The following GBE1 variants were observed in gnomAD, a reference collection of about 807,000 sequenced individuals.
GBE1 encodes the protein 1,4-alpha-glucan branching enzyme 1.
In GBE1, 70 loss-of-function variants were observed where a neutral mutation model predicts 88.8. That is an observed-to-expected ratio of 0.79 (90% CI 0.65 to 0.96). The LOEUF (loss-of-function observed/expected upper bound fraction) is 0.96, where lower values mean the gene tolerates loss of function less well. Ranked by LOEUF, GBE1 falls within the 40% of genes least tolerant of loss-of-function variation. The pLI, the probability that GBE1 is intolerant of heterozygous loss-of-function variation, is 0.00. For synonymous variants in GBE1, 284 were observed against 300.1 expected (o/e 0.95, Z 0.56); for missense variants, 872 against 871.0 (o/e 1.00, Z -0.01).
chr3:81,544,637 A>G (rs1703182153), intron 12 of GBE1, among the ~76,000 whole-genome samples: 1 of 152,174 alleles, frequency 6.6e-6, no homozygotes, highest in Non-Finnish European at 1.5e-5. Context: ...GATTCTAAAA[A>G]AGTCTACCAA....
At chr3:81,505,962 T>C (rs1053185105) in intron 14 of GBE1, among the ~76,000 whole-genome samples, 1 of 151,902 alleles carries the variant, frequency 6.6e-6, no homozygotes. Flanking sequence ...AAGCCAAAAC[T>C]ATAAAAACCC....
rs965176553 is a variant in GBE1 at position 81,593,928 on chromosome 3, A to G, written c.1088T>C (p.Leu363Pro). 1 of 1,566,902 alleles carries G rather than the reference A, an allele frequency of 6.4e-7. No individual in the cohort carries two copies. The highest frequency in any genetic ancestry group is 1.4e-5 in the African/African-American group (1 of 73,996). ...CCTACCCACTCCATGGTGATGATAA[A>G]GCATGGACGTAACACCATCAAAACG... ...GFRFDGVTSM[L>P]YHHHGVGQGF... The change falls in exon 8 of 16, where the codon CTT (leucine) becomes CCT (proline). Residue 363 changes from leucine (L) to proline (P), a missense_variant. By Grantham distance (98) the Leu-to-Pro change is moderately conservative (BLOSUM62 -3). Coordinates refer to ENST00000429644, the MANE Select transcript of GBE1 (RefSeq NM_000158.4).
intron 7 of GBE1, among the ~76,000 whole-genome samples, chr3:81,623,069 A>G (rs905589064): frequency 6.6e-6 from 1 of 152,174 alleles, no homozygotes; most frequent in Non-Finnish European, 1.5e-5. Flanking sequence ...CAAACCTTTT[A>G]AAAGCTGTTA....
In GBE1 at chr3:81,646,450, C is replaced by G; in HGVS notation, c.724G>C (p.Glu242Gln). The G allele has an allele frequency of 6.2e-7, 1 of 1,603,242 alleles. No individual in the cohort carries two copies. The highest frequency in any genetic ancestry group is 8.5e-7 in the Non-Finnish European group (1 of 1,174,598). ...CCAAAGCTGGCATAGTAAGCATGCT[C>G]CATGATTGCCATCAACTGAATGCAG... The part of the protein sequence containing the change: ...YNCIQLMAIM[E>Q]HAYYASFGYQ... Residue 242 changes from glutamate to glutamine, a missense_variant, in exon 6 of 16, where the codon GAG becomes CAG. By Grantham distance (29) the Glu-to-Gln change is conservative. Coordinates refer to ENST00000429644, the MANE Select transcript of GBE1 (RefSeq NM_000158.4).
chr3:81,577,680 C>A (rs1043238196), intron 12 of GBE1, among the ~76,000 whole-genome samples: 1 of 151,990 alleles, frequency 6.6e-6, no homozygotes, highest in Middle Eastern at 3.2e-3. Flanking sequence ...AACAGGTAAG[C>A]CCGCTTGACA....
intron 1 of GBE1, among the ~76,000 whole-genome samples, chr3:81,723,644 C>G (rs1706068561): frequency 6.6e-6 from 1 of 152,024 alleles, no homozygotes; most frequent in African/African-American, 2.4e-5. Flanking sequence ...TTCTTACTTC[C>G]AGCAACATTC....
intron 1 of GBE1, among the ~76,000 whole-genome samples, chr3:81,751,259 A>C (rs1289140170): frequency 6.6e-6 from 1 of 152,168 alleles, no homozygotes; most frequent in Non-Finnish European, 1.5e-5. Context: ...TTGTGCATAG[A>C]TGTGATTTTA....
intron 3 of GBE1, among the ~76,000 whole-genome samples, chr3:81,664,341 A>C (rs1356402528): frequency 6.6e-6 from 1 of 152,004 alleles, no homozygotes; most frequent in African/African-American, 2.4e-5. Context: ...TCACATGAGC[A>C]AAGCTGGAGG....
At chr3:81,650,265 GAGAAAATCATCCTACTCCATTAA>G (rs1704826687) in intron 3 of GBE1, 1 of 183,270 alleles carries the variant, frequency 5.5e-6, no homozygotes, top group Admixed American at 6.4e-5. Context: ...CAATCAATGG[GAGAAAATCATCCTACTCCATTAA>G]AAAAAGCAAT....
At chr3:81,593,760 GTACT>G in intron 8 of GBE1, 144 bp downstream of exon 8, 1 of 561,724 alleles carries the variant, frequency 1.8e-6, no homozygotes, top group Non-Finnish European at 3.2e-6. Context: ...CTTATAAAAT[GTACT>G]TATAATCTAC....
intron 3 of GBE1, among the ~76,000 whole-genome samples, chr3:81,665,453 G>A (rs1039759447): frequency 6.6e-6 from 1 of 151,262 alleles, no homozygotes; most frequent in African/African-American, 2.4e-5. Context: ...GGAGAATGGC[G>A]TGAACCCGGG....
At chr3:81,609,283 C>T (rs1233799317) in intron 7 of GBE1, among the ~76,000 whole-genome samples, 1 of 152,088 alleles carries the variant, frequency 6.6e-6, no homozygotes, top group Non-Finnish European at 1.5e-5. Flanking sequence ...TATCCTCAAC[C>T]CCTTCAAGGA....
Position 81,499,109 on chromosome 3 carries a change from C to A in GBE1, c.2052+1G>T, listed in dbSNP as rs2106809795. On this transcript the variant is annotated splice_donor_variant, in intron 15 of 15. Transcript: ENST00000429644. LOFTEE classifies it high-confidence loss of function. ...GGAAATATGTTGAGAAACTTACTTA[C>A]CAAAAGAGAATAGGGACGCCCATTA... The A allele has an allele frequency of 1.3e-6, 2 of 1,528,464 alleles. No homozygotes were observed. Among genetic ancestry groups the A allele is most frequent in the Non-Finnish European group, 1.8e-6 (2 of 1,107,498 alleles). The allele number at this position is 1,528,464 out of a possible 1,614,324, so 94.7% of individuals were successfully genotyped here. A position where few individuals can be genotyped will look rare whatever the true frequency, so the allele number is the denominator to read the frequency against.
At position 81,586,727 on chromosome 3, in the gene GBE1, T is replaced by A. The variant is rs563280162; in HGVS notation, c.1237-537A>T. ...GGTTTTTGAGATTAGGTAGGGATTA[T>A]CTTCATTTAGCAGATATAGAAACAG... is the stretch of plus-strand genomic sequence containing the variant. On this transcript the variant is annotated intron_variant, in intron 9 of 15. Coordinates refer to ENST00000429644, the MANE Select transcript of GBE1 (RefSeq NM_000158.4). Among the ~76,000 whole-genome samples, 13 of 152,234 alleles carry A rather than the reference T, an allele frequency of 8.5e-5. No individual in the cohort carries two copies. The South Asian group carries it at 2.7e-3, about 32-fold the overall frequency.
intron 1 of GBE1, among the ~76,000 whole-genome samples, chr3:81,714,326 A>C (rs1216927625): frequency 6.6e-6 from 1 of 152,190 alleles, no homozygotes; most frequent in South Asian, 2.1e-4. Flanking sequence ...TCCTAATCCT[A>C]CTGCTTACCA....
intron 12 of GBE1, among the ~76,000 whole-genome samples, chr3:81,552,664 A>C (rs916858222): frequency 6.6e-6 from 1 of 152,174 alleles, no homozygotes; most frequent in South Asian, 2.1e-4. Context: ...ACACTTATAA[A>C]CAAGTTTTAT....
chr3:81,648,306 T>C (rs1317405641), intron 5 of GBE1, among the ~76,000 whole-genome samples: 1 of 152,094 alleles, frequency 6.6e-6, no homozygotes, highest in Non-Finnish European at 1.5e-5. Context: ...AATTCAGCAA[T>C]ATATTCTTTA....
intron 1 of GBE1, among the ~76,000 whole-genome samples, chr3:81,744,681 T>C (rs946340724): frequency 2.0e-5 from 3 of 152,194 alleles, no homozygotes; most frequent in Non-Finnish European, 2.9e-5. Context: ...CAAGCTATTT[T>C]AGAGGCTTCA....
intron 2 of GBE1, among the ~76,000 whole-genome samples, chr3:81,671,855 C>T (rs913311829): frequency 1.2e-4 from 18 of 151,554 alleles, no homozygotes; most frequent in African/African-American, 4.1e-4. Context: ...ATAGATGAAT[C>T]GATAGAATGA....
Sources: gnomAD v4.1 joint callset for allele counts (sites outside exome capture counted in the v4.1 genomes callset) on GRCh38, gnomAD v4.1.1 for gene constraint, MANE v1.5 for transcripts, NCBI Gene and HGNC (gene_info 2026-07-23, HGNC 2026-07-21) for gene names.